Variants in RPE observed in about 807,000 individuals in gnomAD.
The protein encoded by RPE is ribulose-phosphate 3-epimerase.
A neutral mutation model predicts 24.6 loss-of-function variants in RPE; 16 were observed. The observed-to-expected ratio is 0.65, with a 90% CI of 0.44 to 0.99. The LOEUF is 0.99. Among genes scored for constraint, RPE ranks in the 50% least tolerant of loss-of-function variants. The pLI is 0.00. For synonymous variants in RPE, 93 were observed against 98.4 expected, an observed-to-expected ratio of 0.94 and a Z score of 0.33; for missense variants, 240 against 294.5, an observed-to-expected ratio of 0.81 and a Z score of 1.35.
intron 5 of RPE, chr2:210,018,506 C>A: frequency 1.0e-6 from 1 of 984,972 alleles, no homozygotes; most frequent in Non-Finnish European, 1.2e-6. Flanking sequence ...TTTTCTTCCA[C>A]AGTGTGATGT....
intron 1 of RPE, among the ~76,000 whole-genome samples, chr2:210,007,629 A>AT (rs2093647185): frequency 6.6e-6 from 1 of 151,976 alleles, no homozygotes; most frequent in East Asian, 1.9e-4. Context: ...CTTTTGCTTC[A>AT]TTTTCAGCCT....
Position 210,002,790 on chromosome 2 carries a change from C to T in RPE, c.122+7C>T. 19 of 1,614,162 alleles carry T rather than the reference C, an allele frequency of 1.2e-5. No homozygotes were observed. Among genetic ancestry groups the T allele is most frequent in the Non-Finnish European group, 1.6e-5 (19 of 1,180,014 alleles). On this transcript the variant is annotated splice_region_variant and intron_variant, in intron 1 of 5. Transcript: ENST00000359429. ...ACCTGGACGTAATGGACGGGTAACT[C>T]CTCCGGGCTCCGGTCGGGCTTGCCG...
rs376050601 is a variant in RPE, at chr2:210,015,945, A to C, written c.203-28A>C. Reference sequence around the variant, plus strand: ...TAACATGAGCCAGGTATTTTTCAGTAATATTTTGAAGTGTCTTTTCTTTCT... The same window carrying C: ...TAACATGAGCCAGGTATTTTTCAGTCATATTTTGAAGTGTCTTTTCTTTCT... On this transcript the variant is annotated intron_variant, in intron 2 of 5. Coordinates refer to ENST00000359429, the MANE Select transcript of RPE (RefSeq NM_199229.3). 53 of 1,605,230 alleles carry C rather than the reference A, an allele frequency of 3.3e-5. No individual in the cohort carries two copies. The African/African-American group carries it at 6.2e-4, about 19-fold the overall frequency.
chr2:210,016,688 A>G (rs1575320652), intron 4 of RPE, 47 bp downstream of exon 4: 1 of 1,612,286 alleles, frequency 6.2e-7, no homozygotes, highest in Non-Finnish European at 8.5e-7. Context: ...CAGTGTGTTC[A>G]TTCAGTAAGC....
chr2:210,009,906 C>G (rs1464925850), intron 2 of RPE, among the ~76,000 whole-genome samples, 170 bp downstream of exon 2: 3 of 152,176 alleles, frequency 2.0e-5, no homozygotes, highest in Non-Finnish European at 4.4e-5. Context: ...TGCCTCTGGG[C>G]CTTGGCTAAT....
chr2:210,017,691 CACATGT>C, intron 5 of RPE, 132 bp downstream of exon 5: 1 of 703,174 alleles, frequency 1.4e-6, no homozygotes, highest in Admixed American at 2.7e-5. Context: ...ATTTTTTGTT[CACATGT>C]ACAACTAGGA....
intron 4 of RPE, among the ~76,000 whole-genome samples, chr2:210,016,885 C>G (rs756986573): frequency 7.9e-5 from 12 of 152,100 alleles, no homozygotes; most frequent in Non-Finnish European, 1.5e-4. Context: ...GCTCTGTCAC[C>G]TGGGCTGGAA....
In RPE at chr2:210,009,684, T is replaced by C; in HGVS notation, c.150T>C (p.Gly50=). 6.2e-7 allele frequency: 1 copy of C among 1,614,156 alleles called. No individual in the cohort carries two copies. The change falls in exon 2 of 6, where the codon GGT becomes GGC. Residue 50 remains glycine (G), a synonymous_variant. Transcript: ENST00000359429. The part of the protein sequence containing the change: ...DGHFVPNITF[G]HPVVESLRKQ... The stretch of plus-strand genomic sequence containing the variant: ...ATTTTGTTCCCAACATCACCTTTGG[T>C]CACCCTGTGGTAGAAAGCCTTCGAA...
intron 1 of RPE, among the ~76,000 whole-genome samples, chr2:210,005,790 C>G (rs76000564): frequency 6.6e-6 from 1 of 152,124 alleles, no homozygotes; most frequent in South Asian, 2.1e-4. Flanking sequence ...TTTGATGTTA[C>G]CTAACTCTCA....
At position 210,003,301 on chromosome 2, in the gene RPE, C is replaced by T. The variant is rs1442273262; in HGVS notation, c.122+518C>T. 7.8e-6 allele frequency: 3 copies of T among 385,262 alleles called. No individual in the cohort carries two copies. The Admixed American group carries it at 1.1e-4, about 14-fold the overall frequency. 23.9% of individuals were successfully genotyped at this position (385,262 alleles called of 1,614,324 possible). ...TGAAAAATGGAACTACTAACAGAAC[C>T]TACCGCTTAGGCATCTTGGAAGATG... On this transcript the variant is annotated intron_variant, in intron 1 of 5. Transcript: ENST00000359429.
At chr2:210,003,390 A>C in intron 1 of RPE, 1 of 1,145,350 alleles carries the variant, frequency 8.7e-7, no homozygotes, top group Non-Finnish European at 1.2e-6. Context: ...ATAATTGTTA[A>C]TTACATCATT....
chr2:210,014,710 A>C (rs1247016413), intron 2 of RPE, among the ~76,000 whole-genome samples: 2 of 144,376 alleles, frequency 1.4e-5, no homozygotes, highest in African/African-American at 4.9e-5. Flanking sequence ...GTCAAGCTTT[A>C]TACTTTCTTT....
At chr2:210,009,608 A>G in intron 1 of RPE, 49 bp from the exon 2 acceptor site, 1 of 1,610,664 alleles carries the variant, frequency 6.2e-7, no homozygotes, top group South Asian at 1.1e-5. Flanking sequence ...AGAGAGATAC[A>G]GAAACTGAAT....
At chr2:210,005,019 A>T (rs1213890915) in intron 1 of RPE, among the ~76,000 whole-genome samples, 1 of 152,238 alleles carries the variant, frequency 6.6e-6, no homozygotes, top group Non-Finnish European at 1.5e-5. Context: ...TTTCTGAGTT[A>T]AGAGCTGTTT....
chr2:210,019,250 A>G (rs1276658669), intron 5 of RPE, among the ~76,000 whole-genome samples: 1 of 152,248 alleles, frequency 6.6e-6, no homozygotes, highest in African/African-American at 2.4e-5. Context: ...ATTTTTAGCA[A>G]TAATTGTCCT....
In RPE at chr2:210,020,379, T is replaced by C. The variant is rs2093840975; in HGVS notation, c.*588T>C. On this transcript the variant is annotated 3_prime_UTR_variant, in exon 6 of 6. Coordinates refer to ENST00000359429, the MANE Select transcript of RPE (RefSeq NM_199229.3). ...CAAGCATAGATTTTATCAGGGTGTT[T>C]TGTCAAAGCAGGTTATTCAGTGATT... is the stretch of plus-strand genomic sequence containing the variant. The C allele has an allele frequency of 6.0e-6, 1 of 166,972 alleles. No individual in the cohort carries two copies. Among genetic ancestry groups the C allele is most frequent in the Admixed American group, 6.5e-5 (1 of 15,280 alleles). 10.3% of individuals were successfully genotyped at this position (166,972 alleles called of 1,614,324 possible).
In RPE at chr2:210,002,767, C is replaced by G. The variant is rs1294057721; in HGVS notation, c.106C>G (p.Leu36Val). Residue 36 changes from leucine to valine, a missense_variant, in exon 1 of 6, where the codon CTG (leucine) becomes GTG (valine). Physicochemically the swap from Leu to Val is conservative, Grantham distance 32. Coordinates refer to ENST00000359429, the MANE Select transcript of RPE (RefSeq NM_199229.3). ...AGACTCTGGGGCCGATTATCTGCAC[C>G]TGGACGTAATGGACGGGTAACTCCT... ...MLDSGADYLH[L>V]DVMDGHFVPN... 1.9e-5 allele frequency: 31 copies of G among 1,614,072 alleles called. No homozygotes were observed. Among genetic ancestry groups the G allele is most frequent in the Non-Finnish European group, 2.5e-5 (29 of 1,180,032 alleles).
chr2:210,019,545 A>G (rs2093829104), intron 5 of RPE, 124 bp from the exon 6 acceptor site: 1 of 1,175,300 alleles, frequency 8.5e-7, no homozygotes, highest in Non-Finnish European at 1.2e-6. Flanking sequence ...GCTTAATCTC[A>G]AAGTGGCTCT....
At chr2:210,011,957 TA>T (rs2125071129) in intron 2 of RPE, among the ~76,000 whole-genome samples, 1 of 152,016 alleles carries the variant, frequency 6.6e-6, no homozygotes, top group African/African-American at 2.4e-5. Flanking sequence ...GTTGTGATAG[TA>T]GGTGTAAGTC....
Sources: allele counts gnomAD v4.1 joint callset (sites outside exome capture counted in the v4.1 genomes callset), GRCh38; gene constraint gnomAD v4.1.1; transcripts MANE v1.5; gene names NCBI Gene and HGNC (gene_info 2026-07-23, HGNC 2026-07-21).